LATS1: variants seen among roughly 807,000 people sequenced by gnomAD.
LATS1 encodes serine/threonine-protein kinase LATS1.
LATS1 carries 25 observed loss-of-function variants against 106.6 expected under a neutral mutation model. That is an observed-to-expected ratio of 0.23 (90% CI 0.17 to 0.33). The LOEUF (loss-of-function observed/expected upper bound fraction) is 0.33, where lower values mean the gene tolerates loss of function less well. Among genes scored for constraint, LATS1 ranks in the 10% least tolerant of loss-of-function variants. LATS1 has a pLI of 1.00. For synonymous variants in LATS1, 465 were observed against 455.6 expected (o/e 1.02, Z -0.26); for missense variants, 1,040 against 1,382.6 (o/e 0.75, Z 3.93).
chr6:149,713,138 C>T (rs181562983), intron 1 of LATS1, among the ~76,000 whole-genome samples: 19 of 152,122 alleles, frequency 1.2e-4, no homozygotes, highest in Non-Finnish European at 2.5e-4. Flanking sequence ...CACAGGTGGC[C>T]GAGTATGATA....
Position 149,659,526 on chromosome 6 carries a change from C to A in LATS1, c.*2203G>T. On this transcript the variant is annotated 3_prime_UTR_variant, in exon 8 of 8. Coordinates refer to ENST00000543571, the MANE Select transcript of LATS1 (RefSeq NM_004690.4). ...TTACATTTCAGCAATAGGGGGAATA[C>A]AGATTTTGTGGGAAGGGAAGGGGGA... 1 of 229,768 alleles carries A rather than the reference C, an allele frequency of 4.4e-6. No homozygotes were observed. Among genetic ancestry groups the A allele is most frequent in the Non-Finnish European group, 8.6e-6 (1 of 115,992 alleles). 14.2% of individuals were successfully genotyped at this position (229,768 alleles called of 1,614,324 possible).
intron 7 of LATS1, among the ~76,000 whole-genome samples, chr6:149,673,120 A>ATT (rs1781534564): frequency 8.3e-6 from 1 of 120,012 alleles, no homozygotes; most frequent in African/African-American, 3.3e-5. Context: ...TTTTTGAGAT[A>ATT]GGATCTTACT....
intron 1 of LATS1, among the ~76,000 whole-genome samples, chr6:149,707,289 C>G (rs570248064): frequency 6.6e-6 from 1 of 152,056 alleles, no homozygotes. Context: ...GCTGGGATTA[C>G]AGGTATGAGC....
intron 2 of LATS1, among the ~76,000 whole-genome samples, chr6:149,699,720 T>C (rs1783339796): frequency 6.6e-6 from 1 of 152,198 alleles, no homozygotes; most frequent in East Asian, 1.9e-4. Flanking sequence ...GCCTTAGATT[T>C]CCTAAAACTG....
Position 149,661,123 on chromosome 6 carries a change from A to G in LATS1, c.*606T>C, listed in dbSNP as rs975024794. On this transcript the variant is annotated 3_prime_UTR_variant, in exon 8 of 8. Coordinates refer to ENST00000543571, the MANE Select transcript of LATS1 (RefSeq NM_004690.4). ...TTCCATGGGGCGGGGGGTGGGGGGG[A>G]AGATAAATGCATTATTTTTCCTTCT... 159 of 179,688 alleles carry G rather than the reference A, an allele frequency of 8.8e-4. No homozygotes were observed. Among genetic ancestry groups the G allele is most frequent in the Non-Finnish European group, 1.4e-3 (123 of 90,390 alleles). The allele number at this position is 179,688 out of a possible 1,614,324, so 11.1% of individuals were successfully genotyped here.
intron 4 of LATS1, among the ~76,000 whole-genome samples, chr6:149,682,505 G>A (rs1782108550): frequency 1.3e-5 from 2 of 151,526 alleles, no homozygotes; most frequent in Non-Finnish European, 2.9e-5. Context: ...TCCGCCTCCG[G>A]GGTTCACGCC....
At chr6:149,685,744 ATAAAG>A (rs1782340124) in intron 3 of LATS1, among the ~76,000 whole-genome samples, 1 of 152,200 alleles carries the variant, frequency 6.6e-6, no homozygotes. Flanking sequence ...TGAATATTAA[ATAAAG>A]TATAGATTTT....
chr6:149,663,964 C>T (rs937107562), intron 7 of LATS1, among the ~76,000 whole-genome samples: 1 of 151,890 alleles, frequency 6.6e-6, no homozygotes, highest in Non-Finnish European at 1.5e-5. Flanking sequence ...CCCGCCACCT[C>T]GCACAGCTAA....
intron 3 of LATS1, among the ~76,000 whole-genome samples, chr6:149,690,402 G>A (rs1440966161): frequency 2.6e-5 from 4 of 151,458 alleles, no homozygotes; most frequent in Admixed American, 2.6e-4. Flanking sequence ...TATTAGACAC[G>A]GGGTTTCTCC....
Position 149,661,706 on chromosome 6 carries a change from C to G in LATS1, c.*23G>C. On this transcript the variant is annotated 3_prime_UTR_variant, in exon 8 of 8. Transcript: ENST00000543571. ...CATTTCAGGCCCTTTTACAAATCCT[C>G]ATTACATTTATTTACTAGTGTGTTA... 6.6e-7 allele frequency: 1 copy of G among 1,520,542 alleles called. No homozygotes were observed. Among genetic ancestry groups the G allele is most frequent in the Non-Finnish European group, 8.8e-7 (1 of 1,138,916 alleles). 94.2% of individuals were successfully genotyped at this position (1,520,542 alleles called of 1,614,324 possible). A position where few individuals can be genotyped will look rare whatever the true frequency, so the allele number is the denominator to read the frequency against.
chr6:149,712,599 C>T (rs1450029976), intron 1 of LATS1, among the ~76,000 whole-genome samples: 1 of 152,194 alleles, frequency 6.6e-6, no homozygotes, highest in African/African-American at 2.4e-5. Context: ...GATCCTCCCA[C>T]CTTAGCCTCC....
At chr6:149,686,479 C>T (rs575064556) in intron 3 of LATS1, among the ~76,000 whole-genome samples, 1 of 152,244 alleles carries the variant, frequency 6.6e-6, no homozygotes, top group African/African-American at 2.4e-5. Flanking sequence ...TTCCACCATG[C>T]CCTCCGGATC....
chr6:149,676,146 C>G, intron 7 of LATS1, 114 bp downstream of exon 7: 1 of 733,012 alleles, frequency 1.4e-6, no homozygotes, highest in Admixed American at 2.2e-5. Flanking sequence ...GCCACTGCAC[C>G]CGGCCCAAGT....
intron 4 of LATS1, among the ~76,000 whole-genome samples, chr6:149,681,033 C>T (rs1415506319): frequency 6.6e-6 from 1 of 152,056 alleles, no homozygotes; most frequent in African/African-American, 2.4e-5. Context: ...TTCTATTTTT[C>T]AGGGCATCAG....
At chr6:149,666,943 CA>C (rs113430262) in intron 7 of LATS1, among the ~76,000 whole-genome samples, 2,615 of 60,172 alleles carry the variant, frequency 0.043, 57 homozygotes, top group African/African-American at 0.13. Flanking sequence ...GACTCTGTCT[CA>C]AAAAAAAAAA....
rs773520542 is a variant in LATS1, at chr6:149,662,182, T to G, written c.2940A>C (p.Glu980Asp). ...HIPPQAKLSP[E>D]ASDLIIKLCR... Reference sequence around the variant, plus strand: ...AAAGTTTAATAATAAGATCAGAAGCTTCAGGACTGAGTTTAGCTTGTGGTG... The same window carrying G: ...AAAGTTTAATAATAAGATCAGAAGCGTCAGGACTGAGTTTAGCTTGTGGTG... The change falls in exon 8 of 8, where the codon GAA becomes GAC. Residue 980 changes from glutamate (E) to aspartate (D), a missense_variant. Transcript: ENST00000543571. The G allele has an allele frequency of 2.5e-6, 4 of 1,613,632 alleles. No homozygotes were observed. The highest frequency in any genetic ancestry group is 3.4e-6 in the Non-Finnish European group (4 of 1,179,986).
intron 3 of LATS1, among the ~76,000 whole-genome samples, chr6:149,692,222 T>C (rs549590174): frequency 2.0e-5 from 3 of 152,374 alleles, no homozygotes; most frequent in Admixed American, 6.5e-5. Context: ...CAGGCCCCTA[T>C]GGACTTTTCC....
intron 1 of LATS1, among the ~76,000 whole-genome samples, chr6:149,713,334 G>C (rs562791825): frequency 2.7e-5 from 4 of 149,536 alleles, no homozygotes; most frequent in South Asian, 2.1e-4. Flanking sequence ...TCCCTCTGTT[G>C]CCCAGGCTGG....
chr6:149,668,760 T>C (rs1243566273), intron 7 of LATS1, among the ~76,000 whole-genome samples: 1 of 151,906 alleles, frequency 6.6e-6, no homozygotes, highest in South Asian at 2.1e-4. Context: ...CCTTGAGTTC[T>C]TTAAAAGAAC....
Sources: allele counts gnomAD v4.1 joint callset (sites outside exome capture counted in the v4.1 genomes callset), GRCh38; gene constraint gnomAD v4.1.1; transcripts MANE v1.5; gene names NCBI Gene and HGNC (gene_info 2026-07-23, HGNC 2026-07-21).